WWC1: variants seen among roughly 807,000 people sequenced by gnomAD.
WWC1 encodes WW and C2 domain containing 1.
A neutral mutation model predicts 138.4 loss-of-function variants in WWC1; 55 were observed. The observed-to-expected ratio is 0.40, with a 90% CI of 0.32 to 0.50. The LOEUF (loss-of-function observed/expected upper bound fraction) is 0.50, where lower values mean the gene tolerates loss of function less well. WWC1 is among the 20% of genes least tolerant of loss of function. WWC1 has a pLI of 0.72. For synonymous variants in WWC1, 524 were observed against 564.9 expected, an observed-to-expected ratio of 0.93 and a Z score of 1.03; for missense variants, 1,226 against 1,420.4, an observed-to-expected ratio of 0.86 and a Z score of 2.20.
intron 1 of WWC1, among the ~76,000 whole-genome samples, chr5:168,295,520 T>TG (rs1230283274): frequency 2.0e-4 from 15 of 76,112 alleles, no homozygotes; most frequent in East Asian, 1.7e-3. Flanking sequence ...GTGTGTGTGT[T>TG]TATTTGCCTT....
At chr5:168,458,498 T>C (rs1467905629) in intron 19 of WWC1, among the ~76,000 whole-genome samples, 1 of 152,172 alleles carries the variant, frequency 6.6e-6, no homozygotes, top group East Asian at 1.9e-4. Flanking sequence ...TTAGTTTTGC[T>C]GTCTTGAGTT....
intron 16 of WWC1, 119 bp downstream of exon 16, chr5:168,441,953 G>C (rs1754813101): frequency 7.2e-7 from 1 of 1,386,560 alleles, no homozygotes; most frequent in Non-Finnish European, 9.6e-7. Context: ...TGGGGTGGAG[G>C]AAGTAGGAGA....
rs774470638 is a variant in WWC1, at chr5:168,430,121, C to T, written c.2001-16C>T. ...GTGTTACTAATAGGTACTTCATATGCCCCTTTTCATTTCAGGTATGATGAG... is the reference window on the plus strand; with the variant it reads ...GTGTTACTAATAGGTACTTCATATGTCCCTTTTCATTTCAGGTATGATGAG... On this transcript the variant is annotated splice_polypyrimidine_tract_variant and intron_variant, in intron 13 of 22. Coordinates refer to ENST00000265293, the MANE Select transcript of WWC1 (RefSeq NM_015238.3). 20 of 1,585,636 alleles carry T rather than the reference C, an allele frequency of 1.3e-5. No homozygotes were observed. The Admixed American group carries it at 3.3e-4, about 26-fold the overall frequency.
At chr5:168,385,536 A>C in intron 3 of WWC1, 122 bp downstream of exon 3, 1 of 1,005,158 alleles carries the variant, frequency 9.9e-7, no homozygotes, top group Admixed American at 2.6e-5. Flanking sequence ...TGTCCAAACC[A>C]CCATCTTGTT....
chr5:168,346,380 G>A (rs1774476309), intron 1 of WWC1, among the ~76,000 whole-genome samples: 1 of 152,170 alleles, frequency 6.6e-6, no homozygotes, highest in African/African-American at 2.4e-5. Flanking sequence ...AACAGCAGCT[G>A]CAGATGTATT....
In WWC1 at chr5:168,431,451, G is replaced by A; in HGVS notation, c.2280+7G>A. 1 of 1,579,418 alleles carries A rather than the reference G, an allele frequency of 6.3e-7. No homozygotes were observed. The highest frequency in any genetic ancestry group is 8.5e-7 in the Non-Finnish European group (1 of 1,170,808). On this transcript the variant is annotated splice_region_variant and intron_variant, in intron 15 of 22. Coordinates refer to ENST00000265293, the MANE Select transcript of WWC1 (RefSeq NM_015238.3). ...CCATCTGGAAGAGTGCCTGGTAAGGGCCGTGTCTGGCTGGCTGGCTGGCTG... is the reference window on the plus strand; with the variant it reads ...CCATCTGGAAGAGTGCCTGGTAAGGACCGTGTCTGGCTGGCTGGCTGGCTG...
At chr5:168,359,168 A>C (rs1176818004) in intron 1 of WWC1, among the ~76,000 whole-genome samples, 6 of 150,912 alleles carry the variant, frequency 4.0e-5, no homozygotes, top group Non-Finnish European at 8.8e-5. Flanking sequence ...GGATCCTCTC[A>C]CCTCCACCTC....
chr5:168,310,836 T>TAAAAAAAAAAAAAAAAA lies in WWC1; in HGVS notation c.119+18574_119+18575insAAAAAAAAAAAAAAAAA, dbSNP rs541770385. Reference sequence around the variant, plus strand: ...CTGGGTGACAGAGGGAGACCCTGTCTAAAAAAAAAGCATAACTTGGAGATA... The same window carrying TAAAAAAAAAAAAAAAAA: ...CTGGGTGACAGAGGGAGACCCTGTCTAAAAAAAAAAAAAAAAAAAAAAAAAAGCATAACTTGGAGATA... On this transcript the variant is annotated intron_variant, in intron 1 of 22. Coordinates refer to ENST00000265293, the MANE Select transcript of WWC1 (RefSeq NM_015238.3). 8.9e-5 allele frequency among the ~76,000 whole-genome samples: 10 copies of TAAAAAAAAAAAAAAAAA among 112,212 alleles called. No homozygotes were observed. In the South Asian group the frequency reaches 1.2e-3, roughly 13 times the overall value. 73.6% of individuals were successfully genotyped at this position (112,212 alleles called of 152,430 possible). A position where few individuals can be genotyped will look rare whatever the true frequency, so the allele number is the denominator to read the frequency against.
At chr5:168,337,929 C>T (rs1406228643) in intron 1 of WWC1, among the ~76,000 whole-genome samples, 2 of 152,148 alleles carry the variant, frequency 1.3e-5, no homozygotes, top group South Asian at 2.1e-4. Context: ...GAAAGAAGGG[C>T]GGGTGCTGGA....
intron 10 of WWC1, among the ~76,000 whole-genome samples, chr5:168,423,160 A>AAAAAAAAAC (rs1554108962): frequency 6.6e-4 from 100 of 150,478 alleles, no homozygotes; most frequent in African/African-American, 2.2e-3. Flanking sequence ...AAAAAAAAAA[A>AAAAAAAAAC]AAAAAAAAAA....
At chr5:168,342,640 A>G (rs965410627) in intron 1 of WWC1, among the ~76,000 whole-genome samples, 4 of 152,194 alleles carry the variant, frequency 2.6e-5, no homozygotes, top group Admixed American at 2.6e-4. Flanking sequence ...TCACTAAGAC[A>G]TTGAGGTGGG....
intron 12 of WWC1, 29 bp downstream of exon 12, chr5:168,428,170 T>C (rs1582263783): frequency 5.6e-6 from 9 of 1,600,338 alleles, no homozygotes; most frequent in Non-Finnish European, 7.7e-6. Context: ...GCTCTCTCTG[T>C]GGCCCTGTAA....
At chr5:168,443,282 C>G (rs1754958751) in intron 16 of WWC1, among the ~76,000 whole-genome samples, 1 of 152,126 alleles carries the variant, frequency 6.6e-6, no homozygotes, top group Admixed American at 6.6e-5. Flanking sequence ...TTCTTTGTCT[C>G]TTTCTCCTCC....
chr5:168,296,028 C>T (rs934563847), intron 1 of WWC1, among the ~76,000 whole-genome samples: 22 of 152,344 alleles, frequency 1.4e-4, no homozygotes, highest in Middle Eastern at 3.4e-3. Context: ...CTGAACAGCA[C>T]CTTGGAGCCG....
chr5:168,370,210 A>G (rs1402890153), intron 1 of WWC1, among the ~76,000 whole-genome samples: 1 of 152,278 alleles, frequency 6.6e-6, no homozygotes. Context: ...CGTTGCACAA[A>G]TACTTATTGA....
At position 168,397,587 on chromosome 5, in the gene WWC1, A is replaced by G. The variant is rs984632970; in HGVS notation, c.434-137A>G. 10 of 811,678 alleles carry G rather than the reference A, an allele frequency of 1.2e-5. No individual in the cohort carries two copies. In the Admixed American group the frequency reaches 1.8e-4, roughly 14 times the overall value. The allele number at this position is 811,678 out of a possible 1,614,324, so 50.3% of individuals were successfully genotyped here. On this transcript the variant is annotated intron_variant, in intron 3 of 22. Coordinates refer to ENST00000265293, the MANE Select transcript of WWC1 (RefSeq NM_015238.3). Reference sequence around the variant, plus strand: ...TGCGCGTGTACCATCTTTATGTAACAAATCCCCCTTTGTTGAACATTTAGG... The same window carrying G: ...TGCGCGTGTACCATCTTTATGTAACGAATCCCCCTTTGTTGAACATTTAGG...
intron 2 of WWC1, among the ~76,000 whole-genome samples, chr5:168,384,577 T>C (rs1777891016): frequency 6.6e-6 from 1 of 152,186 alleles, no homozygotes; most frequent in East Asian, 1.9e-4. Flanking sequence ...TTTCCTTTAG[T>C]CTTCACCAAA....
chr5:168,434,931 AT>A (rs1053412585), intron 15 of WWC1, among the ~76,000 whole-genome samples: 2 of 152,100 alleles, frequency 1.3e-5, no homozygotes, highest in African/African-American at 4.8e-5. Context: ...TCACTTTGGC[AT>A]ACTAACTTGG....
rs754970817 is a variant in WWC1 at position 168,460,727 on chromosome 5, C to T, written c.2901C>T (p.Ser967=). 10 of 1,614,174 alleles carry T rather than the reference C, an allele frequency of 6.2e-6. No homozygotes were observed. The highest frequency in any genetic ancestry group is 2.2e-5 in the South Asian group (2 of 91,082). The part of the protein sequence containing the change: ...PFVRNSLERR[S]VRMKRPSSVK... The stretch of plus-strand genomic sequence containing the variant: ...TTCGAAACTCCCTGGAGCGACGCAG[C>T]GTCCGGATGAAGCGGGTAAGAGAGT... Residue 967 remains serine (S), a synonymous_variant, in exon 20 of 23, where the codon AGC becomes AGT. Transcript: ENST00000265293.
Sources: allele counts gnomAD v4.1 joint callset (sites outside exome capture counted in the v4.1 genomes callset), GRCh38; gene constraint gnomAD v4.1.1; transcripts MANE v1.5; gene names NCBI Gene and HGNC (gene_info 2026-07-23, HGNC 2026-07-21).